The following NDUFAF6 variants were observed in gnomAD, a reference collection of about 807,000 sequenced individuals.
The protein encoded by NDUFAF6 is NADH dehydrogenase (ubiquinone) complex I, assembly factor 6.
In NDUFAF6, 45 loss-of-function variants were observed where a neutral mutation model predicts 40.8. That is an observed-to-expected ratio of 1.10 (90% CI 0.87 to 1.42). The LOEUF (loss-of-function observed/expected upper bound fraction) is 1.42. Ranked by LOEUF, NDUFAF6 falls within the 40% of genes most tolerant of loss-of-function variation. NDUFAF6 has a pLI of 0.00. For synonymous variants in NDUFAF6, 185 were observed against 155.9 expected (o/e 1.19, Z -1.39); for missense variants, 435 against 418.5 (o/e 1.04, Z -0.34).
chr8:95,064,540 C>T (rs112762469), intron 9 of NDUFAF6, among the ~76,000 whole-genome samples: 2 of 149,626 alleles, frequency 1.3e-5, no homozygotes, highest in Admixed American at 6.7e-5. Flanking sequence ...ATCATTTATT[C>T]GTGTGTGTGT....
rs1827918113 is a variant in NDUFAF6, at chr8:95,025,060, C to T, written c.52C>T (p.Pro18Ser). Residue 18 changes from proline to serine, a missense_variant, in exon 1 of 9, where the codon CCC (proline) becomes TCC (serine). Pro to Ser is a moderately conservative substitution (Grantham distance 74). Transcript: ENST00000396124. ...CTGGGGGCCGTTGCGGCTTGGCATC[C>T]CCGGCCTGTGCTGCCGCCGGCCGCC... The part of the protein sequence containing the change: ...SVWGPLRLGI[P>S]GLCCRRPPLG... 4 of 1,429,966 alleles carry T rather than the reference C, an allele frequency of 2.8e-6. No homozygotes were observed. The African/African-American group carries it at 4.5e-5, about 16-fold the overall frequency. 88.6% of individuals were successfully genotyped at this position (1,429,966 alleles called of 1,614,324 possible).
chr8:94,990,575 A>G (rs1464274606), intron 2 of NDUFAF6, among the ~76,000 whole-genome samples: 6 of 152,144 alleles, frequency 3.9e-5, no homozygotes, highest in Non-Finnish European at 8.8e-5. Flanking sequence ...CCTCTGAAGG[A>G]CCACTCATGT....
At chr8:95,000,060 A>G (rs1826649261) in intron 2 of NDUFAF6, among the ~76,000 whole-genome samples, 1 of 151,142 alleles carries the variant, frequency 6.6e-6, no homozygotes, top group African/African-American at 2.4e-5. Flanking sequence ...TTTTTTTTAA[A>G]GAAGCTTAGC....
chr8:94,897,088 G>A (rs1817670973), intron 1 of NDUFAF6, among the ~76,000 whole-genome samples: 2 of 152,154 alleles, frequency 1.3e-5, no homozygotes, highest in African/African-American at 4.8e-5. Context: ...GGGGTCAGGG[G>A]TCTCCCAACA....
At chr8:94,955,562 AT>A (rs1181081792), upstream of NDUFAF6, among the ~76,000 whole-genome samples, 1 of 152,192 alleles carries the variant, frequency 6.6e-6, no homozygotes, top group African/African-American at 2.4e-5. Flanking sequence ...CATTTGAAGT[AT>A]TTTGTCTCTA....
Position 94,965,860 on chromosome 8 carries a change from C to G in NDUFAF6, c.-199+7681C>G, listed in dbSNP as rs527471290. Among the ~76,000 whole-genome samples, 52 of 151,136 alleles carry G rather than the reference C, an allele frequency of 3.4e-4. 1 individual carries two copies. The highest frequency in any genetic ancestry group is 1.2e-3 in the African/African-American group (50 of 41,514). On this transcript the variant is annotated intron_variant, in intron 1 of 9. Transcript: ENST00000396111. The stretch of plus-strand genomic sequence containing the variant: ...GTATTTAGCACTGGTTATATGCCAG[C>G]ACTGTTTTAGAGATATTTTTTGTCA...
chr8:95,013,737 A>G (rs1827322813), intron 2 of NDUFAF6, among the ~76,000 whole-genome samples: 1 of 152,354 alleles, frequency 6.6e-6, no homozygotes, highest in South Asian at 2.1e-4. Context: ...ATGGTGATAT[A>G]TACTGCAAAG....
At position 95,051,600 on chromosome 8, in the gene NDUFAF6, G is replaced by A. The variant is rs142291982; in HGVS notation, c.817-574G>A. On this transcript the variant is annotated intron_variant, in intron 7 of 8. Coordinates refer to ENST00000396124, the MANE Select transcript of NDUFAF6 (RefSeq NM_152416.4). Reference sequence around the variant, plus strand: ...CATCAGCCTGAGTGACCAGGTGTTCGTAGCTCAGAGTGGTAGGGAGTTAGG... The same window carrying A: ...CATCAGCCTGAGTGACCAGGTGTTCATAGCTCAGAGTGGTAGGGAGTTAGG... 3.9e-5 allele frequency among the ~76,000 whole-genome samples: 6 copies of A among 152,276 alleles called. No individual in the cohort carries two copies. The East Asian group carries it at 9.6e-4, about 24-fold the overall frequency.
At chr8:95,095,932 T>C (rs550650672), upstream of NDUFAF6, among the ~76,000 whole-genome samples, 14 of 152,336 alleles carry the variant, frequency 9.2e-5, no homozygotes, top group African/African-American at 3.4e-4. Flanking sequence ...CCTAAAGTAC[T>C]GAGATTACAG....
chr8:94,940,080 G>C (rs1198824004), intron 1 of NDUFAF6: 1 of 1,614,214 alleles, frequency 6.2e-7, no homozygotes, highest in African/African-American at 1.3e-5. Flanking sequence ...TCAAACTGGA[G>C]AAAGCAGGAA....
intron 2 of NDUFAF6, among the ~76,000 whole-genome samples, chr8:94,998,414 ACACG>A (rs1175295114): frequency 1.5e-4 from 23 of 151,128 alleles, no homozygotes; most frequent in African/African-American, 5.4e-4. Context: ...ACACACACAC[ACACG>A]CAATGACAGC....
downstream of NDUFAF6, among the ~76,000 whole-genome samples, chr8:95,108,252 T>G (rs1392792320): frequency 6.6e-6 from 1 of 152,168 alleles, no homozygotes; most frequent in Non-Finnish European, 1.5e-5. Flanking sequence ...GACTCAAATA[T>G]TTTACACCCA....
At chr8:94,960,085 A>T (rs986483769) in intron 1 of NDUFAF6, among the ~76,000 whole-genome samples, 5 of 152,256 alleles carry the variant, frequency 3.3e-5, no homozygotes, top group African/African-American at 1.2e-4. Context: ...TAACCAAGAC[A>T]TATACAAACA....
At chr8:95,080,606 A>AT (rs1214019506), downstream of NDUFAF6, among the ~76,000 whole-genome samples, 10 of 141,902 alleles carry the variant, frequency 7.0e-5, no homozygotes, top group South Asian at 2.2e-4. Context: ...TCGGTAGTGT[A>AT]TTTTGGTAGT....
intron 1 of NDUFAF6, among the ~76,000 whole-genome samples, chr8:94,917,701 G>A (rs1819232647): frequency 6.6e-6 from 1 of 152,058 alleles, no homozygotes. Flanking sequence ...TAAAAAAATA[G>A]GGCAAACATT....
chr8:94,982,250 A>G (rs1758357053), intron 2 of NDUFAF6, among the ~76,000 whole-genome samples: 1 of 151,968 alleles, frequency 6.6e-6, no homozygotes, highest in Admixed American at 6.6e-5. Context: ...AAAATTATAC[A>G]TCTTTTCTAT....
At chr8:95,022,172 A>G (rs1027226105), upstream of NDUFAF6, among the ~76,000 whole-genome samples, 3 of 152,190 alleles carry the variant, frequency 2.0e-5, no homozygotes, top group African/African-American at 4.8e-5. Flanking sequence ...TGAAGGTTCA[A>G]TATAATAAAA....
At chr8:95,078,918 G>A (rs969652737), downstream of NDUFAF6, among the ~76,000 whole-genome samples, 10 of 151,960 alleles carry the variant, frequency 6.6e-5, no homozygotes, top group Admixed American at 5.9e-4. Context: ...ATGCACGCAG[G>A]CATCCATTGT....
intron 4 of NDUFAF6, 92 bp from the exon 5 acceptor site, chr8:95,045,453 C>T (rs888513539): frequency 1.4e-5 from 11 of 812,578 alleles, no homozygotes; most frequent in East Asian, 2.5e-5. Flanking sequence ...TATTTTTATT[C>T]GTTATTCAGT....
Sources: gnomAD v4.1 joint callset for allele counts (sites outside exome capture counted in the v4.1 genomes callset) on GRCh38, gnomAD v4.1.1 for gene constraint, MANE v1.5 for transcripts, NCBI Gene and HGNC (gene_info 2026-07-23, HGNC 2026-07-21) for gene names.